CHN2: variants seen among roughly 807,000 people sequenced by gnomAD.
CHN2 encodes chimerin 2, also known as beta-chimaerin.
Under a neutral mutation model 56.3 loss-of-function variants are expected in CHN2, and 35 were observed. The observed-to-expected ratio is 0.62, with a 90% CI of 0.47 to 0.82. CHN2 has a LOEUF of 0.82. CHN2 is among the 40% of genes least tolerant of loss of function. The probability of loss-of-function intolerance (pLI) is 0.00; values close to 1 mark genes in which losing one functional copy is unlikely to be tolerated. For missense variants in CHN2, 491 were observed against 580.5 expected (o/e 0.85, Z 1.58); for synonymous variants, 210 against 212.8 (o/e 0.99, Z 0.12).
rs758301232 is a variant in CHN2 at position 29,423,041 on chromosome 7, G to A, written c.576+22213G>A. 3.3e-5 allele frequency among the ~76,000 whole-genome samples: 5 copies of A among 152,194 alleles called. No homozygotes were observed. The East Asian group carries it at 7.7e-4, about 23-fold the overall frequency. On this transcript the variant is annotated intron_variant, in intron 6 of 12. Coordinates refer to ENST00000222792, the MANE Select transcript of CHN2 (RefSeq NM_004067.4). Reference sequence around the variant, plus strand: ...GGCTGCTTTTGACTTTGGCCTGTTCGTACCAAACCTTGCCTATCAAAGCGT... The same window carrying A: ...GGCTGCTTTTGACTTTGGCCTGTTCATACCAAACCTTGCCTATCAAAGCGT...
At chr7:29,410,078 G>A (rs1371675005) in intron 6 of CHN2, among the ~76,000 whole-genome samples, 1 of 152,166 alleles carries the variant, frequency 6.6e-6, no homozygotes, top group Non-Finnish European at 1.5e-5. Context: ...AACAGGCTGA[G>A]TCTATATGAG....
intron 12 of CHN2, among the ~76,000 whole-genome samples, chr7:29,510,577 G>A (rs955473197): frequency 3.3e-5 from 5 of 152,078 alleles, no homozygotes; most frequent in African/African-American, 1.2e-4. Flanking sequence ...CAGTTTGCTG[G>A]AGGCAACCCT....
chr7:29,479,937 G>T lies in CHN2; in HGVS notation c.577-342G>T. The T allele has an allele frequency of 4.9e-6, 7 of 1,441,488 alleles. No homozygotes were observed. The Admixed American group carries it at 8.5e-5, about 17-fold the overall frequency. The allele number at this position is 1,441,488 out of a possible 1,614,324, so 89.3% of individuals were successfully genotyped here. A position where few individuals can be genotyped will look rare whatever the true frequency, so the allele number is the denominator to read the frequency against. The stretch of plus-strand genomic sequence containing the variant: ...AGGCCCATCCTTATTCAGAAGCCGG[G>T]CCCCCTCCATCACTCAAACTGGGCC... On this transcript the variant is annotated intron_variant, in intron 6 of 12. Transcript: ENST00000222792.
intron 6 of CHN2, among the ~76,000 whole-genome samples, chr7:29,468,139 C>T (rs1489828898): frequency 6.5e-5 from 2 of 30,606 alleles, no homozygotes; most frequent in African/African-American, 1.3e-4. Flanking sequence ...CAAACGGACC[C>T]GCCCCCCCCC....
chr7:29,401,140 C>T (rs888938010), intron 6 of CHN2: 8 of 280,398 alleles, frequency 2.9e-5, no homozygotes, highest in African/African-American at 6.6e-5. Flanking sequence ...TGGTGGTGGG[C>T]GCCTGTAGTC....
At chr7:29,427,616 T>C (rs1436969926) in intron 6 of CHN2, among the ~76,000 whole-genome samples, 1 of 151,560 alleles carries the variant, frequency 6.6e-6, no homozygotes, top group East Asian at 1.9e-4. Flanking sequence ...ATATATCTGT[T>C]GACCAAGCAA....
At chr7:29,378,545 A>T (rs1385288907) in intron 3 of CHN2, among the ~76,000 whole-genome samples, 2 of 152,238 alleles carry the variant, frequency 1.3e-5, no homozygotes, top group Non-Finnish European at 2.9e-5. Flanking sequence ...GGCTGCTTTC[A>T]TGCTACCATG....
At chr7:29,466,986 T>A (rs911564090) in intron 6 of CHN2, among the ~76,000 whole-genome samples, 13 of 152,240 alleles carry the variant, frequency 8.5e-5, no homozygotes, top group Admixed American at 7.2e-4. Context: ...TGGGATTTTT[T>A]AAATATACCT....
chr7:29,300,906 A>G (rs879913740), intron 1 of CHN2, among the ~76,000 whole-genome samples: 1 of 152,248 alleles, frequency 6.6e-6, no homozygotes, highest in Non-Finnish European at 1.5e-5. Flanking sequence ...ACATGTTACC[A>G]TGTGCAATAT....
intron 1 of CHN2, among the ~76,000 whole-genome samples, chr7:29,203,133 C>T (rs1344140002): frequency 1.3e-5 from 2 of 152,186 alleles, no homozygotes; most frequent in Non-Finnish European, 2.9e-5. Flanking sequence ...ATATCTGACT[C>T]ATAACCTTTG....
At chr7:29,245,896 C>A (rs1433558073) in intron 1 of CHN2, among the ~76,000 whole-genome samples, 1 of 152,220 alleles carries the variant, frequency 6.6e-6, no homozygotes, top group Non-Finnish European at 1.5e-5. Flanking sequence ...TTGGATATCT[C>A]CTTGTCGAAG....
rs536712589 is a variant in CHN2, at chr7:29,350,902, G to GT, written c.50-3720dup. 2.2e-4 allele frequency among the ~76,000 whole-genome samples: 34 copies of GT among 152,242 alleles called. No individual in the cohort carries two copies. In the East Asian group the frequency reaches 6.0e-3, roughly 27 times the overall value. ...AGGTGGGTGAATCACGAGGTCAGGA[G>GT]TTTGAGACAAGCCTGCTCAAGATGA... On this transcript the variant is annotated intron_variant, in intron 1 of 12. Coordinates refer to ENST00000222792, the MANE Select transcript of CHN2 (RefSeq NM_004067.4).
chr7:29,220,345 A>C (rs549266101), intron 1 of CHN2, among the ~76,000 whole-genome samples: 166 of 152,022 alleles, frequency 1.1e-3, no homozygotes, highest in Non-Finnish European at 2.0e-3. Context: ...AACGATATAT[A>C]ATATTTGAAA....
intron 1 of CHN2, among the ~76,000 whole-genome samples, chr7:29,353,684 G>A (rs540994136): frequency 4.0e-4 from 61 of 152,300 alleles, no homozygotes; most frequent in African/African-American, 1.4e-3. Flanking sequence ...AAGGACGAGG[G>A]TAGTCTAAGG....
At chr7:29,415,558 G>C (rs1004417794) in intron 6 of CHN2, among the ~76,000 whole-genome samples, 1 of 152,364 alleles carries the variant, frequency 6.6e-6, no homozygotes, top group Non-Finnish European at 1.5e-5. Context: ...AAGGAAGGGA[G>C]TAGTTGGGCC....
At chr7:29,250,353 G>C (rs904966994) in intron 1 of CHN2, among the ~76,000 whole-genome samples, 1 of 152,072 alleles carries the variant, frequency 6.6e-6, no homozygotes, top group African/African-American at 2.4e-5. Context: ...ATGACCAAAG[G>C]GTTCTTCTTT....
chr7:29,312,457 G>A (rs543210501), intron 1 of CHN2, among the ~76,000 whole-genome samples: 1 of 152,314 alleles, frequency 6.6e-6, no homozygotes, highest in Non-Finnish European at 1.5e-5. Flanking sequence ...CAAAGTGTGT[G>A]TCACCACATG....
At chr7:29,348,858 G>T (rs966488279) in intron 1 of CHN2, among the ~76,000 whole-genome samples, 1 of 151,994 alleles carries the variant, frequency 6.6e-6, no homozygotes, top group African/African-American at 2.4e-5. Flanking sequence ...GTAAGCAGAA[G>T]AAGAAAATAG....
chr7:29,320,227 C>T (rs532474157), intron 1 of CHN2, among the ~76,000 whole-genome samples: 1 of 152,326 alleles, frequency 6.6e-6, no homozygotes, highest in South Asian at 2.1e-4. Context: ...GAGCTCTTAA[C>T]CACCATGCCG....
Sources: gnomAD v4.1 joint callset for allele counts (sites outside exome capture counted in the v4.1 genomes callset) on GRCh38, gnomAD v4.1.1 for gene constraint, MANE v1.5 for transcripts, NCBI Gene and HGNC (gene_info 2026-07-23, HGNC 2026-07-21) for gene names.